Variants in INSR observed in about 807,000 individuals in gnomAD.
INSR encodes the protein insulin receptor.
A neutral mutation model predicts 142.6 loss-of-function variants in INSR; 67 were observed. The ratio of observed to expected loss-of-function variants is 0.47; its 90% CI spans 0.39 to 0.58. The LOEUF (loss-of-function observed/expected upper bound fraction) is 0.58, where lower values mean the gene tolerates loss of function less well. Among genes scored for constraint, INSR ranks in the 20% least tolerant of loss-of-function variants. INSR has a pLI of 0.00. For synonymous variants in INSR, 756 were observed against 743.1 expected (o/e 1.02, Z -0.28); for missense variants, 1,248 against 1,833.2 (o/e 0.68, Z 5.83).
chr19:7,161,276 T>G (rs975680789), intron 9 of INSR, among the ~76,000 whole-genome samples: 18 of 151,776 alleles, frequency 1.2e-4, no homozygotes, highest in African/African-American at 3.4e-4. Flanking sequence ...TTTATATATA[T>G]AGAGACAGGG....
intron 2 of INSR, among the ~76,000 whole-genome samples, chr19:7,195,931 CTTTTTTTT>C (rs903162924): frequency 1.9e-3 from 102 of 54,812 alleles, no homozygotes; most frequent in African/African-American, 5.4e-3. Context: ...TCTTTTCTTT[CTTTTTTTT>C]TTTTTTTTTG....
rs557320295 is a variant in INSR at position 7,259,249 on chromosome 19, T to C, written c.652+8096A>G. ...TTCACCAACTTCCCGCAATGACATC[T>C]ATAAGACACAAAGGTAAAGAGCTTG... On this transcript the variant is annotated intron_variant, in intron 2 of 21. Transcript: ENST00000302850. 2.4e-5 allele frequency among the ~76,000 whole-genome samples: 3 copies of C among 123,974 alleles called. 1 individual carries two copies. In the South Asian group the frequency reaches 7.2e-4, roughly 30 times the overall value. 81.3% of individuals were successfully genotyped at this position (123,974 alleles called of 152,430 possible).
chr19:7,229,944 C>CT (rs577883376), intron 2 of INSR, among the ~76,000 whole-genome samples: 5 of 151,528 alleles, frequency 3.3e-5, no homozygotes, highest in African/African-American at 9.7e-5. Context: ...TTTTCTTTTT[C>CT]TTTTTTTTGT....
chr19:7,156,482 T>C (rs940412083), intron 9 of INSR, among the ~76,000 whole-genome samples: 1 of 152,162 alleles, frequency 6.6e-6, no homozygotes, highest in Middle Eastern at 3.4e-3. Context: ...TCTGGAGATA[T>C]TTTTAGGTGT....
At chr19:7,190,189 GA>G (rs376668216) in intron 2 of INSR, among the ~76,000 whole-genome samples, 15 of 145,294 alleles carry the variant, frequency 1.0e-4, no homozygotes, top group African/African-American at 2.0e-4. Context: ...TCTCCTTGCC[GA>G]AAAAAAAAAG....
chr19:7,190,165 AGT>A (rs1046448233), intron 2 of INSR, among the ~76,000 whole-genome samples: 10 of 151,968 alleles, frequency 6.6e-5, no homozygotes, highest in Admixed American at 3.9e-4. Flanking sequence ...TGGGTAACAG[AGT>A]GAGATCCTAT....
At chr19:7,158,166 A>G (rs959294992) in intron 9 of INSR, among the ~76,000 whole-genome samples, 1 of 151,668 alleles carries the variant, frequency 6.6e-6, no homozygotes, top group Non-Finnish European at 1.5e-5. Flanking sequence ...AATCCACTGC[A>G]TGAAACATGG....
At chr19:7,261,762 C>A (rs137950218) in intron 2 of INSR, among the ~76,000 whole-genome samples, 11 of 152,256 alleles carry the variant, frequency 7.2e-5, no homozygotes, top group African/African-American at 1.9e-4. Context: ...AACTCCTGAC[C>A]TCAAGCGATC....
In INSR at chr19:7,150,908, C is replaced by CCTTTT. The variant is rs1444864223; in HGVS notation, c.2232-381_2232-377dup. On this transcript the variant is annotated intron_variant, in intron 10 of 21. Transcript: ENST00000302850. The surrounding 1 kb of genome is among the most constrained non-coding windows in gnomAD (Gnocchi z 4.2). ...TCTTTCTGGTTTCTTTCCTCTTTCTCCTTTTCTTTTCTCTTTCTCTTTTCT... is the reference window on the plus strand; with the variant it reads ...TCTTTCTGGTTTCTTTCCTCTTTCTCCTTTTCTTTTCTTTTCTCTTTCTCTTTTCT... 6.6e-6 allele frequency among the ~76,000 whole-genome samples: 1 copy of CCTTTT among 151,928 alleles called. No homozygotes were observed. The highest frequency in any genetic ancestry group is 2.4e-5 in the African/African-American group (1 of 41,368).
At chr19:7,259,919 C>T (rs1774934578) in intron 2 of INSR, among the ~76,000 whole-genome samples, 1 of 151,896 alleles carries the variant, frequency 6.6e-6, no homozygotes, top group Admixed American at 6.6e-5. Context: ...TGGGGGGATT[C>T]CTTAGAGTCC....
At chr19:7,123,412 G>T (rs1394629085) in intron 17 of INSR, among the ~76,000 whole-genome samples, 1 of 151,630 alleles carries the variant, frequency 6.6e-6, no homozygotes, top group South Asian at 2.1e-4. Flanking sequence ...CTGGTGATCC[G>T]CCTGCCTCAG....
chr19:7,197,918 A>AGT (rs71864058), intron 2 of INSR, among the ~76,000 whole-genome samples: 4,476 of 100,210 alleles, frequency 0.045, 229 homozygotes, highest in Middle Eastern at 0.087. Context: ...CCAGAGTGAG[A>AGT]GTGTGTGTGT....
chr19:7,173,585 A>G, intron 4 of INSR, among the ~76,000 whole-genome samples: 1 of 128,956 alleles, frequency 7.8e-6, no homozygotes, highest in African/African-American at 2.9e-5. Context: ...AAGTGCTGGG[A>G]TTACAGGCAT....
At chr19:7,158,045 GTATTATTATTATTATTAT>G (rs72379188) in intron 9 of INSR, among the ~76,000 whole-genome samples, 52 of 141,278 alleles carry the variant, frequency 3.7e-4, no homozygotes, top group Non-Finnish European at 5.6e-4. Context: ...GAAGCTCCTG[GTATTATTATTATTATTAT>G]TATTATTATT....
chr19:7,150,312 A>G lies in INSR; in HGVS notation c.2267+185T>C, dbSNP rs556153290. ...TTAGTGAAGGTTTCTCCCCACATTC[A>G]TGCCCAGATTTCATTTCAGAGTGAA... On this transcript the variant is annotated intron_variant, in intron 11 of 21. Coordinates refer to ENST00000302850, the MANE Select transcript of INSR (RefSeq NM_000208.4). The surrounding 1 kb of genome is among the most constrained non-coding windows in gnomAD (Gnocchi z 4.2). 5.9e-5 allele frequency among the ~76,000 whole-genome samples: 9 copies of G among 152,360 alleles called. No homozygotes were observed. The highest frequency in any genetic ancestry group is 1.9e-4 in the African/African-American group (8 of 41,588).
intron 2 of INSR, among the ~76,000 whole-genome samples, chr19:7,238,937 A>C (rs2145145640): frequency 7.3e-6 from 1 of 136,440 alleles, no homozygotes; most frequent in South Asian, 2.4e-4. Context: ...GAAACAACCC[A>C]AATGTCCATC....
chr19:7,267,589 C>T lies in INSR; in HGVS notation c.408G>A (p.Leu136=), dbSNP rs1568229079. The change falls in exon 2 of 22, where the codon CTG becomes CTA. Residue 136 remains leucine, a synonymous_variant. Coordinates refer to ENST00000302850, the MANE Select transcript of INSR (RefSeq NM_000208.4). The surrounding 1 kb of genome is among the most constrained non-coding windows in gnomAD (Gnocchi z 6.3). ...GGACAGAACCCCGGGTGATGTTCAT[C>T]AGGTTGTAGAGGCCGAGTTCCTTGA... is the stretch of plus-strand genomic sequence containing the variant. The part of the protein sequence containing the change: ...VHLKELGLYN[L]MNITRGSVRI... 4 of 1,614,080 alleles carry T rather than the reference C, an allele frequency of 2.5e-6. No individual in the cohort carries two copies. Among genetic ancestry groups the T allele is most frequent in the Non-Finnish European group, 2.5e-6 (3 of 1,180,024 alleles).
At chr19:7,173,916 C>T (rs142254332) in intron 4 of INSR, among the ~76,000 whole-genome samples, 1 of 152,000 alleles carries the variant, frequency 6.6e-6, no homozygotes, top group African/African-American at 2.4e-5. Flanking sequence ...GCCACTGCAC[C>T]CGGCCCTGAG....
chr19:7,253,786 T>C (rs1190085576), intron 2 of INSR, among the ~76,000 whole-genome samples: 2 of 151,710 alleles, frequency 1.3e-5, no homozygotes, highest in East Asian at 3.9e-4. Context: ...CCCAACACTT[T>C]GGGAGGCTGA....
Sources: allele counts gnomAD v4.1 joint callset (sites outside exome capture counted in the v4.1 genomes callset), GRCh38; gene constraint gnomAD v4.1.1; non-coding constraint Gnocchi (gnomAD v3.1); transcripts MANE v1.5; gene names NCBI Gene and HGNC (gene_info 2026-07-23, HGNC 2026-07-21).